The following EYS variants were observed in gnomAD, a reference collection of about 807,000 sequenced individuals.
EYS encodes protein eyes shut homolog.
A neutral mutation model predicts 282.1 loss-of-function variants in EYS; 250 were observed. The observed-to-expected ratio is 0.89, with a 90% confidence interval of 0.80 to 0.98. The LOEUF (loss-of-function observed/expected upper bound fraction) is 0.98. Ranked by LOEUF, EYS falls within the 50% of genes least tolerant of loss-of-function variation. The pLI is 0.00. For synonymous variants in EYS, 1,355 were observed against 1,282.9 expected, an observed-to-expected ratio of 1.06 and a Z score of -1.20; for missense variants, 4,016 against 3,709.0, an observed-to-expected ratio of 1.08 and a Z score of -2.15.
intron 32 of EYS, among the ~76,000 whole-genome samples, chr6:64,075,964 T>C (rs1400077063): frequency 2.0e-5 from 3 of 151,914 alleles, no homozygotes; most frequent in African/African-American, 7.2e-5. Flanking sequence ...TAAATCTTAA[T>C]TGAAACATGG....
intron 29 of EYS, among the ~76,000 whole-genome samples, chr6:64,340,396 G>GA (rs1357451798): frequency 6.6e-6 from 1 of 151,638 alleles, no homozygotes; most frequent in Non-Finnish European, 1.5e-5. Flanking sequence ...GAAAAGAATA[G>GA]AAAACTCATG....
intron 24 of EYS, among the ~76,000 whole-genome samples, chr6:64,612,308 A>G (rs1006094558): frequency 3.9e-5 from 6 of 152,164 alleles, no homozygotes; most frequent in African/African-American, 1.2e-4. Flanking sequence ...ACAAAACACA[A>G]TAAGCCTGAC....
At chr6:64,435,959 C>T (rs1192263886) in intron 28 of EYS, among the ~76,000 whole-genome samples, 1 of 151,840 alleles carries the variant, frequency 6.6e-6, no homozygotes, top group Non-Finnish European at 1.5e-5. Context: ...TGTAAATCTC[C>T]TTATGTGAGT....
intron 1 of EYS, among the ~76,000 whole-genome samples, chr6:65,702,533 A>C (rs577720297): frequency 1.3e-5 from 2 of 152,210 alleles, no homozygotes; most frequent in East Asian, 3.9e-4. Context: ...CTCTACTAAA[A>C]ATACAAAAAT....
intron 14 of EYS, among the ~76,000 whole-genome samples, chr6:64,959,613 G>A (rs887585895): frequency 2.6e-5 from 4 of 151,952 alleles, no homozygotes; most frequent in South Asian, 2.1e-4. Flanking sequence ...TTATCCAATT[G>A]GTCATAACTG....
intron 36 of EYS, among the ~76,000 whole-genome samples, chr6:63,849,106 C>T (rs1205642843): frequency 1.3e-5 from 2 of 152,204 alleles, no homozygotes; most frequent in African/African-American, 2.4e-5. Context: ...CACAGCACCA[C>T]AAAGCCACTG....
intron 15 of EYS, among the ~76,000 whole-genome samples, chr6:64,913,672 G>T (rs767934758): frequency 6.6e-6 from 1 of 152,038 alleles, no homozygotes; most frequent in Non-Finnish European, 1.5e-5. Context: ...AGACAGCTAC[G>T]TTGGTTCCAT....
intron 24 of EYS, among the ~76,000 whole-genome samples, chr6:64,599,051 TG>T (rs1766677396): frequency 6.6e-6 from 1 of 152,144 alleles, no homozygotes; most frequent in African/African-American, 2.4e-5. Context: ...GGGAAGGCCA[TG>T]TAGGTAGAAA....
chr6:64,258,809 T>C (rs1234706923), intron 30 of EYS, among the ~76,000 whole-genome samples: 2 of 151,826 alleles, frequency 1.3e-5, no homozygotes, highest in African/African-American at 4.8e-5. Flanking sequence ...TTTTTTTCCA[T>C]GTTATACCCC....
In EYS at chr6:64,151,341, AT is replaced by A. The variant is rs1562226700; in HGVS notation, c.6425-69340del. On this transcript the variant is annotated intron_variant, in intron 31 of 42. Coordinates refer to ENST00000503581, the MANE Select transcript of EYS (RefSeq NM_001142800.2). ...TTTATATATATATATATATATATATATATATATATATATATATATATAATTT... is the reference window on the plus strand; with the variant it reads ...TTTATATATATATATATATATATATAATATATATATATATATATATAATTT... 2.6e-3 allele frequency among the ~76,000 whole-genome samples: 295 copies of A among 114,160 alleles called. 22 individuals are homozygous for A. The highest frequency in any genetic ancestry group is 0.013 in the African/African-American group (274 of 20,838). 74.9% of individuals were successfully genotyped at this position (114,160 alleles called of 152,430 possible).
At chr6:64,690,499 A>C (rs1281200028) in intron 22 of EYS, among the ~76,000 whole-genome samples, 1 of 152,190 alleles carries the variant, frequency 6.6e-6, no homozygotes, top group Non-Finnish European at 1.5e-5. Context: ...AAGGATTATA[A>C]ATCATGCCAC....
rs570468668 is a variant in EYS at position 64,769,121 on chromosome 6, T to C, written c.3443+44257A>G. On this transcript the variant is annotated intron_variant, in intron 22 of 42. Transcript: ENST00000503581. ...ACATTACTTTTTTATCATACTTATA[T>C]GAAAACTACATGGCGTAATGGGACA... 5.3e-5 allele frequency among the ~76,000 whole-genome samples: 8 copies of C among 152,248 alleles called. 1 individual carries two copies. The South Asian group carries it at 1.7e-3, about 32-fold the overall frequency.
rs536499692 is a variant in EYS at position 65,003,261 on chromosome 6, C to T, written c.2138-5558G>A. The stretch of plus-strand genomic sequence containing the variant: ...GGGTCTCTGAACTGGCCCCCCTGGG[C>T]GTGGCCATCTCTTATGGTTGAGACT... On this transcript the variant is annotated intron_variant, in intron 13 of 42. Transcript: ENST00000503581. 4.5e-4 allele frequency among the ~76,000 whole-genome samples: 67 copies of T among 147,280 alleles called. 5 individuals are homozygous for T. The highest frequency in any genetic ancestry group is 1.0e-3 in the Admixed American group (15 of 14,810).
At chr6:64,519,444 G>T (rs1244248716) in intron 26 of EYS, among the ~76,000 whole-genome samples, 1 of 151,752 alleles carries the variant, frequency 6.6e-6, no homozygotes, top group Non-Finnish European at 1.5e-5. Flanking sequence ...ATGAAGAGGA[G>T]AAAACACATT....
At chr6:65,509,082 A>T (rs1451332486) in intron 2 of EYS, among the ~76,000 whole-genome samples, 2 of 152,172 alleles carry the variant, frequency 1.3e-5, no homozygotes, top group African/African-American at 4.8e-5. Context: ...AGTAAACTGG[A>T]GATGAAAATA....
intron 2 of EYS, among the ~76,000 whole-genome samples, chr6:65,573,122 G>A (rs939781666): frequency 2.0e-5 from 3 of 152,060 alleles, no homozygotes; most frequent in East Asian, 1.9e-4. Flanking sequence ...CAAAGATTGC[G>A]GAGTGGGCAT....
At chr6:63,992,837 C>G (rs1405156416) in intron 34 of EYS, among the ~76,000 whole-genome samples, 1 of 151,538 alleles carries the variant, frequency 6.6e-6, no homozygotes, top group African/African-American at 2.4e-5. Flanking sequence ...TGTCCCCACC[C>G]AAAATCTCAT....
chr6:64,377,349 A>C (rs1337557402), intron 29 of EYS, among the ~76,000 whole-genome samples: 1 of 152,180 alleles, frequency 6.6e-6, no homozygotes, highest in Non-Finnish European at 1.5e-5. Context: ...ATTGCATTAA[A>C]AGTCACTCAA....
chr6:65,497,203 A>G (rs1766287122), intron 2 of EYS, among the ~76,000 whole-genome samples: 1 of 152,064 alleles, frequency 6.6e-6, no homozygotes, highest in Admixed American at 6.6e-5. Context: ...TATGCTCAGT[A>G]CCAGGATTCA....
Sources: allele counts gnomAD v4.1 joint callset (sites outside exome capture counted in the v4.1 genomes callset), GRCh38; gene constraint gnomAD v4.1.1; transcripts MANE v1.5; gene names NCBI Gene and HGNC (gene_info 2026-07-23, HGNC 2026-07-21).